The following KCNH5 variants were observed in gnomAD, a reference collection of about 807,000 sequenced individuals.
KCNH5 encodes potassium voltage-gated channel subfamily H member 5.
Under a neutral mutation model 96.1 loss-of-function variants are expected in KCNH5, and 46 were observed. The observed-to-expected ratio is 0.48, with a 90% confidence interval of 0.38 to 0.61. The LOEUF (loss-of-function observed/expected upper bound fraction) is 0.61, where lower values mean the gene tolerates loss of function less well. Ranked by LOEUF, KCNH5 falls within the 20% of genes least tolerant of loss-of-function variation. The pLI is 0.00. For missense variants in KCNH5, 907 were observed against 1,225.8 expected, an observed-to-expected ratio of 0.74 and a Z score of 3.88; for synonymous variants, 439 against 449.8, an observed-to-expected ratio of 0.98 and a Z score of 0.30.
intron 6 of KCNH5, among the ~76,000 whole-genome samples, chr14:62,979,345 AATT>A (rs1890562389): frequency 1.3e-5 from 2 of 152,262 alleles, no homozygotes; most frequent in African/African-American, 4.8e-5. Context: ...TTGGAAAATG[AATT>A]ATTATGATTT....
rs1005742946 is a variant in KCNH5 at position 62,770,126 on chromosome 14, G to A, written c.2019+9602C>T. On this transcript the variant is annotated intron_variant, in intron 10 of 10. Coordinates refer to ENST00000322893, the MANE Select transcript of KCNH5 (RefSeq NM_139318.5). ...TGGGTGAAGAAAAGAAAAAAAAGTAGTTGGAACACCCATTGTCACTCCTAG... is the reference window on the plus strand; with the variant it reads ...TGGGTGAAGAAAAGAAAAAAAAGTAATTGGAACACCCATTGTCACTCCTAG... Among the ~76,000 whole-genome samples the A allele has an allele frequency of 2.6e-5, 4 of 152,134 alleles. No individual in the cohort carries two copies. In the East Asian group the frequency reaches 7.7e-4, roughly 29 times the overall value.
At chr14:62,807,220 A>G (rs1595631427) in intron 8 of KCNH5, among the ~76,000 whole-genome samples, 2 of 152,298 alleles carry the variant, frequency 1.3e-5, no homozygotes, top group Admixed American at 1.3e-4. Flanking sequence ...CAAAGAAAAC[A>G]AAAAATAAAA....
chr14:62,951,502 T>C (rs1023302652), intron 6 of KCNH5, among the ~76,000 whole-genome samples: 12 of 152,200 alleles, frequency 7.9e-5, no homozygotes, highest in Non-Finnish European at 1.8e-4. Context: ...TTCGTATCCA[T>C]GACTTCCTTA....
chr14:62,736,762 A>G (rs1386442306), intron 10 of KCNH5, among the ~76,000 whole-genome samples: 1 of 152,216 alleles, frequency 6.6e-6, no homozygotes, highest in African/African-American at 2.4e-5. Flanking sequence ...ATTGGCCAGA[A>G]GTCCGTCTCA....
At chr14:62,805,595 C>T (rs575779233) in intron 8 of KCNH5, among the ~76,000 whole-genome samples, 1 of 152,210 alleles carries the variant, frequency 6.6e-6, no homozygotes, top group South Asian at 2.1e-4. Flanking sequence ...CAAGGCAAAA[C>T]TTGGTTTTAA....
chr14:62,924,921 C>T (rs1003117825), intron 7 of KCNH5, among the ~76,000 whole-genome samples: 5 of 151,914 alleles, frequency 3.3e-5, no homozygotes, highest in African/African-American at 1.2e-4. Flanking sequence ...ATAGTGTATA[C>T]TTGAAATTTG....
intron 6 of KCNH5, among the ~76,000 whole-genome samples, chr14:62,974,667 C>A (rs1890468746): frequency 6.6e-6 from 1 of 152,202 alleles, no homozygotes; most frequent in African/African-American, 2.4e-5. Context: ...AGTCATTCTG[C>A]ACTTACATCA....
chr14:62,862,174 A>G (rs755968198), intron 7 of KCNH5, among the ~76,000 whole-genome samples: 28 of 152,226 alleles, frequency 1.8e-4, no homozygotes, highest in Non-Finnish European at 8.8e-5. Flanking sequence ...TAGTGTTACT[A>G]TTATGCTTAC....
At chr14:62,794,163 A>G (rs915558882) in intron 9 of KCNH5, among the ~76,000 whole-genome samples, 1 of 152,024 alleles carries the variant, frequency 6.6e-6, no homozygotes, top group African/African-American at 2.4e-5. Flanking sequence ...GCCAATTCAT[A>G]CTTAACTAAG....
chr14:62,896,740 A>C (rs1888821191), intron 7 of KCNH5, among the ~76,000 whole-genome samples: 1 of 152,192 alleles, frequency 6.6e-6, no homozygotes, highest in Non-Finnish European at 1.5e-5. Flanking sequence ...GGTCACAGGT[A>C]GCCCTTTGTT....
rs890220250 is a variant in KCNH5 at position 62,706,231 on chromosome 14, C to T, written c.*1277G>A. On this transcript the variant is annotated 3_prime_UTR_variant, in exon 11 of 11. Coordinates refer to ENST00000322893, the MANE Select transcript of KCNH5 (RefSeq NM_139318.5). ...TAGTATCCCCCTTTCACAAATGGAC[C>T]TGCCTGAGCCACAATAGCTTATTGA... The T allele has an allele frequency of 5.9e-5, 9 of 152,064 alleles. No individual in the cohort carries two copies. Among genetic ancestry groups the T allele is most frequent in the African/African-American group, 2.2e-4 (9 of 41,418 alleles). The allele number at this position is 152,064 out of a possible 1,614,324, so 9.4% of individuals were successfully genotyped here. A position where few individuals can be genotyped will look rare whatever the true frequency, so the allele number is the denominator to read the frequency against.
In KCNH5 at chr14:62,861,269, T is replaced by C. The variant is rs540092211; in HGVS notation, c.1370-11417A>G. On this transcript the variant is annotated intron_variant, in intron 7 of 10. Coordinates refer to ENST00000322893, the MANE Select transcript of KCNH5 (RefSeq NM_139318.5). ...TGCTTTTATTTTCTATCTCTAAAAA[T>C]TGATTTTTTTTTTTTTGAGACAGAG... 3.5e-5 allele frequency among the ~76,000 whole-genome samples: 5 copies of C among 144,106 alleles called. No individual in the cohort carries two copies. In the East Asian group the frequency reaches 8.8e-4, roughly 25 times the overall value. The allele number at this position is 144,106 out of a possible 152,430, so 94.5% of individuals were successfully genotyped here.
At chr14:62,912,161 C>T (rs1889180384) in intron 7 of KCNH5, among the ~76,000 whole-genome samples, 1 of 151,510 alleles carries the variant, frequency 6.6e-6, no homozygotes, top group East Asian at 1.9e-4. Flanking sequence ...ATGAGGATTA[C>T]ATGAGGTAGT....
intron 7 of KCNH5, among the ~76,000 whole-genome samples, chr14:62,870,548 A>T (rs1286734746): frequency 6.6e-6 from 1 of 152,166 alleles, no homozygotes; most frequent in Non-Finnish European, 1.5e-5. Flanking sequence ...TTTTAACTTA[A>T]AAAAGTCTAA....
chr14:62,792,866 T>A (rs1466864758), intron 9 of KCNH5, among the ~76,000 whole-genome samples: 1 of 151,736 alleles, frequency 6.6e-6, no homozygotes, highest in Non-Finnish European at 1.5e-5. Flanking sequence ...TGTAGCTTTA[T>A]TCAAAATAGG....
At chr14:62,964,007 A>G (rs1042947347) in intron 6 of KCNH5, among the ~76,000 whole-genome samples, 4 of 152,172 alleles carry the variant, frequency 2.6e-5, no homozygotes, top group African/African-American at 7.2e-5. Flanking sequence ...TGTTAAGGCT[A>G]TAAGAAAATG....
At chr14:62,846,213 C>T (rs1397622654) in intron 8 of KCNH5, among the ~76,000 whole-genome samples, 1 of 152,104 alleles carries the variant, frequency 6.6e-6, no homozygotes, top group Non-Finnish European at 1.5e-5. Context: ...TAGTAATTTG[C>T]ATTCTGTCTT....
intron 7 of KCNH5, among the ~76,000 whole-genome samples, chr14:62,949,263 A>G (rs1271438800): frequency 6.6e-6 from 1 of 152,226 alleles, no homozygotes; most frequent in African/African-American, 2.4e-5. Context: ...AGAAAACCCC[A>G]TTGTCTCAGC....
chr14:63,036,857 T>G (rs1335357321), intron 1 of KCNH5, among the ~76,000 whole-genome samples: 9 of 151,794 alleles, frequency 5.9e-5, no homozygotes, highest in Non-Finnish European at 1.5e-5. Flanking sequence ...GTGGAGAGGG[T>G]AGGGGAATAT....
Sources: gnomAD v4.1 joint callset for allele counts (sites outside exome capture counted in the v4.1 genomes callset) on GRCh38, gnomAD v4.1.1 for gene constraint, MANE v1.5 for transcripts, NCBI Gene and HGNC (gene_info 2026-07-23, HGNC 2026-07-21) for gene names.